The following ZSWIM4 variants were observed in gnomAD, a reference collection of about 807,000 sequenced individuals.
The protein encoded by ZSWIM4 is zinc finger SWIM domain-containing protein 4.
Under a neutral mutation model 102.5 loss-of-function variants are expected in ZSWIM4, and 62 were observed. The observed-to-expected ratio is 0.60, with a 90% confidence interval of 0.49 to 0.75. ZSWIM4 has a LOEUF of 0.75. Ranked by LOEUF, ZSWIM4 falls within the 30% of genes least tolerant of loss-of-function variation. The pLI, the probability that ZSWIM4 is intolerant of heterozygous loss-of-function variation, is 0.00. For missense variants in ZSWIM4, 1,280 were observed against 1,529.6 expected (o/e 0.84, Z 2.72); for synonymous variants, 652 against 674.5 (o/e 0.97, Z 0.52).
intron 2 of ZSWIM4, among the ~76,000 whole-genome samples, chr19:13,801,498 A>G (rs2594717): frequency 0.45 from 68,006 of 151,824 alleles, 18,558 homozygotes; most frequent in African/African-American, 0.78. Context: ...CCTAGACCTC[A>G]GGCAGTGGGG....
chr19:13,799,573 G>A (rs1974699442), intron 1 of ZSWIM4, 147 bp from the exon 2 acceptor site: 1 of 765,586 alleles, frequency 1.3e-6, no homozygotes, highest in South Asian at 1.7e-5. Context: ...ATCGTGCCCG[G>A]CCAGTTTTTT....
chr19:13,826,271 G>A (rs1975608747), intron 12 of ZSWIM4, among the ~76,000 whole-genome samples: 1 of 151,996 alleles, frequency 6.6e-6, no homozygotes, highest in South Asian at 2.1e-4. Flanking sequence ...TGGGGCCTGG[G>A]AGTGATGTGC....
rs1974591791 is a variant in ZSWIM4 at position 13,795,719 on chromosome 19, G to A, written c.71G>A (p.Gly24Glu). ...AGPEERDAGA[G>E]AARGRGRPEA... ...CCCGAGGAGCGCGATGCCGGGGCCG[G>A]GGCCGCGCGTGGCCGGGGCCGGCCC... is the stretch of plus-strand genomic sequence containing the variant. Residue 24 changes from glycine to glutamate, a missense_variant, in exon 1 of 14, where the codon GGG (glycine) becomes GAG (glutamate). Gly to Glu is a moderately conservative substitution (Grantham distance 98, BLOSUM62 -2). Transcript: ENST00000590508. 1 of 1,210,216 alleles carries A rather than the reference G, an allele frequency of 8.3e-7. No homozygotes were observed. The highest frequency in any genetic ancestry group is 4.3e-5 in the Admixed American group (1 of 23,102). 75.0% of individuals were successfully genotyped at this position (1,210,216 alleles called of 1,614,324 possible).
chr19:13,817,600 G>T, intron 8 of ZSWIM4, 122 bp from the exon 9 acceptor site: 1 of 1,278,796 alleles, frequency 7.8e-7, no homozygotes, highest in Admixed American at 2.7e-5. Context: ...GTGAGTGCTG[G>T]GAGCTTCTGG....
chr19:13,805,737 C>A (rs1188700666), intron 3 of ZSWIM4, among the ~76,000 whole-genome samples: 1 of 151,570 alleles, frequency 6.6e-6, no homozygotes, highest in Non-Finnish European at 1.5e-5. Context: ...TTTGGGAGGC[C>A]GAGGTGGGCG....
intron 1 of ZSWIM4, among the ~76,000 whole-genome samples, chr19:13,798,853 A>G (rs904862094): frequency 1.3e-5 from 2 of 152,130 alleles, no homozygotes; most frequent in African/African-American, 4.8e-5. Flanking sequence ...CAATGGCGCA[A>G]TCTCGGCTCA....
At chr19:13,829,356 C>G (rs1975695222) in intron 13 of ZSWIM4, among the ~76,000 whole-genome samples, 1 of 152,072 alleles carries the variant, frequency 6.6e-6, no homozygotes, top group South Asian at 2.1e-4. Flanking sequence ...TTTGGGAGGC[C>G]AAGGCATGTG....
chr19:13,824,638 A>G (rs749711625), intron 11 of ZSWIM4, among the ~76,000 whole-genome samples: 1 of 152,000 alleles, frequency 6.6e-6, no homozygotes, highest in Non-Finnish European at 1.5e-5. Context: ...AGGCTGAGGC[A>G]GGAGAATCAC....
rs754642864 is a variant in ZSWIM4, at chr19:13,804,959, C to T, written c.523C>T (p.Arg175Cys). ...CCACGTGGTGGCCCTGTCCCTGTAC[C>T]GCATTCGGCACGCCCACCAGGTGGA... ...CAHVVALSLY[R>C]IRHAHQVELR... The change falls in exon 3 of 14, where the codon CGC becomes TGC. Residue 175 changes from arginine to cysteine, a missense_variant. Transcript: ENST00000590508. 3.7e-6 allele frequency: 6 copies of T among 1,613,272 alleles called. No individual in the cohort carries two copies. Among genetic ancestry groups the T allele is most frequent in the South Asian group, 1.1e-5 (1 of 91,076 alleles).
intron 7 of ZSWIM4, among the ~76,000 whole-genome samples, chr19:13,815,756 C>T (rs995706353): frequency 3.3e-5 from 5 of 151,730 alleles, no homozygotes; most frequent in African/African-American, 1.2e-4. Context: ...AGGTGTAAGC[C>T]ACCGTGCCTG....
At chr19:13,815,987 A>C (rs1474777442) in intron 7 of ZSWIM4, among the ~76,000 whole-genome samples, 2 of 140,770 alleles carry the variant, frequency 1.4e-5, no homozygotes, top group African/African-American at 2.6e-5. Context: ...GAGCGAGGAG[A>C]GAGAGAAGAG....
chr19:13,812,385 C>T (rs761675776), intron 5 of ZSWIM4, among the ~76,000 whole-genome samples: 2 of 149,664 alleles, frequency 1.3e-5, no homozygotes, highest in Non-Finnish European at 3.0e-5. Context: ...CCTCTGCCTC[C>T]TGGGTTGAAG....
intron 9 of ZSWIM4, among the ~76,000 whole-genome samples, chr19:13,818,791 T>C (rs1599606583): frequency 6.6e-6 from 1 of 151,822 alleles, no homozygotes; most frequent in African/African-American, 2.4e-5. Context: ...CTCAAACTCC[T>C]GACCTCAAGT....
chr19:13,804,684 T>C lies in ZSWIM4; in HGVS notation c.356-108T>C, dbSNP rs78970915. On this transcript the variant is annotated intron_variant, in intron 2 of 13. Coordinates refer to ENST00000590508, the MANE Select transcript of ZSWIM4 (RefSeq NM_001367834.3). ...AATGCAAAGTGAGTGAGGTGACTTG[T>C]GCTAGTGAAGTGACTCGGCTGGGCT... 3,681 of 834,650 alleles carry C rather than the reference T, an allele frequency of 4.4e-3. 97 individuals are homozygous for C. The African/African-American group carries it at 0.057, about 13-fold the overall frequency. 51.7% of individuals were successfully genotyped at this position (834,650 alleles called of 1,614,324 possible).
intron 13 of ZSWIM4, 107 bp from the exon 14 acceptor site, chr19:13,830,084 G>C (rs1297773085): frequency 7.3e-6 from 10 of 1,372,294 alleles, no homozygotes; most frequent in African/African-American, 1.4e-5. Flanking sequence ...TGTTCAGCAT[G>C]GTGTGGAGGT....
At position 13,817,719 on chromosome 19, in the gene ZSWIM4, C is replaced by G; in HGVS notation, c.1670-3C>G. 1 of 1,608,058 alleles carries G rather than the reference C, an allele frequency of 6.2e-7. No homozygotes were observed. Among genetic ancestry groups the G allele is most frequent in the Non-Finnish European group, 8.5e-7 (1 of 1,178,038 alleles). ...CCAGCAGCCCTGGCCCTGTCTCCCC[C>G]AGACTCAGGCCCCGAGAAGCGGAAG... On this transcript the variant is annotated splice_polypyrimidine_tract_variant and splice_region_variant and intron_variant, in intron 8 of 13. Coordinates refer to ENST00000590508, the MANE Select transcript of ZSWIM4 (RefSeq NM_001367834.3).
chr19:13,825,720 G>A lies in ZSWIM4; in HGVS notation c.2379+7G>A, dbSNP rs1555716265. 6 of 1,593,126 alleles carry A rather than the reference G, an allele frequency of 3.8e-6. No homozygotes were observed. The highest frequency in any genetic ancestry group is 2.2e-5 in the South Asian group (2 of 89,290). On this transcript the variant is annotated splice_region_variant and intron_variant, in intron 12 of 13. Coordinates refer to ENST00000590508, the MANE Select transcript of ZSWIM4 (RefSeq NM_001367834.3). This position sits in a 1 kb window ranked among gnomAD's most constrained non-coding sequence, Gnocchi z 4.6. ...ACTGGAGCTGGGGCTGCAGGTGAGG[G>A]CTGCCAGGTGGATGCGGGAGGGCGA...
In ZSWIM4 at chr19:13,825,884, CG is replaced by C. The variant is rs1367749556; in HGVS notation, c.2379+175del. ...GACTGAGCGAGAACCACTCTTGGGG[CG>C]GGGACTGTGAGTGAGACACACCTCT... On this transcript the variant is annotated intron_variant, in intron 12 of 13. Transcript: ENST00000590508. This position sits in a 1 kb window ranked among gnomAD's most constrained non-coding sequence, Gnocchi z 4.6. Among the ~76,000 whole-genome samples the C allele has an allele frequency of 1.3e-5, 2 of 152,148 alleles. No homozygotes were observed. Among genetic ancestry groups the C allele is most frequent in the Non-Finnish European group, 2.9e-5 (2 of 68,008 alleles).
At chr19:13,820,390 C>T (rs149618717) in intron 10 of ZSWIM4, among the ~76,000 whole-genome samples, 2 of 152,020 alleles carry the variant, frequency 1.3e-5, no homozygotes, top group East Asian at 1.9e-4. Context: ...CGTGCACCAC[C>T]GCACTGGGCT....
Sources: gnomAD v4.1 joint callset for allele counts (sites outside exome capture counted in the v4.1 genomes callset) on GRCh38, gnomAD v4.1.1 for gene constraint, Gnocchi (gnomAD v3.1) non-coding constraint, MANE v1.5 for transcripts, NCBI Gene and HGNC (gene_info 2026-07-23, HGNC 2026-07-21) for gene names.